PIP5K1B: variants seen among roughly 807,000 people sequenced by gnomAD.
PIP5K1B encodes phosphatidylinositol 4-phosphate 5-kinase type-1 beta.
In PIP5K1B, 42 loss-of-function variants were observed where a neutral mutation model predicts 67.0. The ratio of observed to expected loss-of-function variants is 0.63; its 90% CI spans 0.49 to 0.81. The LOEUF is 0.81. Ranked by LOEUF, PIP5K1B falls within the 30% of genes least tolerant of loss-of-function variation. The pLI is 0.00. For synonymous variants in PIP5K1B, 214 were observed against 231.4 expected, an observed-to-expected ratio of 0.92 and a Z score of 0.68; for missense variants, 459 against 646.3, an observed-to-expected ratio of 0.71 and a Z score of 3.14.
intron 2 of PIP5K1B, among the ~76,000 whole-genome samples, chr9:68,750,315 T>C (rs1250305058): frequency 6.6e-6 from 1 of 152,242 alleles, no homozygotes; most frequent in Non-Finnish European, 1.5e-5. Context: ...TATGCGTAGA[T>C]TGCCTGTCAG....
chr9:68,994,707 G>A lies in PIP5K1B; in HGVS notation c.1620+3450G>A, dbSNP rs553627561. On this transcript the variant is annotated intron_variant, in intron 15 of 15. Transcript: ENST00000265382. ...AGAGTTTTTCTCATATTTTAACTTA[G>A]TCTCTTCACCTGTTGCAAAACCAAG... 4.6e-5 allele frequency among the ~76,000 whole-genome samples: 7 copies of A among 152,234 alleles called. No homozygotes were observed. In the South Asian group the frequency reaches 1.5e-3, roughly 32 times the overall value.
intron 14 of PIP5K1B, among the ~76,000 whole-genome samples, chr9:68,949,816 G>A (rs747505448): frequency 6.6e-6 from 1 of 152,222 alleles, no homozygotes; most frequent in Non-Finnish European, 1.5e-5. Context: ...AAGGAAAGTG[G>A]CGTGCAGAAA....
At chr9:68,977,655 C>CTT (rs758854141) in intron 14 of PIP5K1B, among the ~76,000 whole-genome samples, 16 of 133,064 alleles carry the variant, frequency 1.2e-4, no homozygotes, top group South Asian at 2.4e-4. Context: ...TTATTGGCTT[C>CTT]TTTTTTTTTT....
intron 12 of PIP5K1B, among the ~76,000 whole-genome samples, chr9:68,929,298 C>T (rs149340238): frequency 4.8e-4 from 73 of 152,112 alleles, no homozygotes; most frequent in African/African-American, 1.7e-3. Flanking sequence ...ATACTGGGTC[C>T]GATCTTCTCC....
At chr9:68,788,835 T>C (rs1288115196) in intron 2 of PIP5K1B, 1 of 238,796 alleles carries the variant, frequency 4.2e-6, no homozygotes, top group Admixed American at 5.3e-5. Context: ...ACTGATATTA[T>C]ATTTGACATA....
chr9:68,749,677 A>C (rs1254492808), intron 2 of PIP5K1B, among the ~76,000 whole-genome samples: 2 of 152,188 alleles, frequency 1.3e-5, no homozygotes, highest in African/African-American at 4.8e-5. Context: ...AGAGGTTAAG[A>C]GTTTGAGAGC....
At chr9:68,924,141 G>A (rs1474324186) in intron 12 of PIP5K1B, among the ~76,000 whole-genome samples, 4 of 148,908 alleles carry the variant, frequency 2.7e-5, no homozygotes, top group South Asian at 2.1e-4. Flanking sequence ...GAGGCCGGGC[G>A]CGGTAATCCT....
intron 14 of PIP5K1B, among the ~76,000 whole-genome samples, chr9:68,974,425 A>C (rs1039646688): frequency 6.6e-6 from 1 of 152,214 alleles, no homozygotes; most frequent in Non-Finnish European, 1.5e-5. Flanking sequence ...TCAGATTCTA[A>C]CACGCCTAGC....
At chr9:68,884,280 G>A (rs1423660483) in intron 6 of PIP5K1B, among the ~76,000 whole-genome samples, 2 of 147,950 alleles carry the variant, frequency 1.4e-5, no homozygotes, top group East Asian at 4.0e-4. Flanking sequence ...AATAAATAAG[G>A]AACTCAAACT....
At chr9:68,975,483 T>C (rs1829593394) in intron 14 of PIP5K1B, among the ~76,000 whole-genome samples, 2 of 152,226 alleles carry the variant, frequency 1.3e-5, no homozygotes, top group Non-Finnish European at 2.9e-5. Context: ...TATTTATGAA[T>C]GCATGTCAGT....
At chr9:68,707,121 G>A (rs1043797465) in intron 1 of PIP5K1B, among the ~76,000 whole-genome samples, 6 of 152,076 alleles carry the variant, frequency 3.9e-5, no homozygotes, top group Non-Finnish European at 8.8e-5. Flanking sequence ...GGAGGGAAAC[G>A]GTGGTTCTGA....
At chr9:68,751,262 G>A (rs950523407) in intron 2 of PIP5K1B, among the ~76,000 whole-genome samples, 25 of 152,320 alleles carry the variant, frequency 1.6e-4, no homozygotes, top group Non-Finnish European at 3.4e-4. Flanking sequence ...GTTGGTAGTT[G>A]TAATTTTATG....
chr9:68,901,116 C>T (rs1168295151), intron 8 of PIP5K1B, among the ~76,000 whole-genome samples: 1 of 152,260 alleles, frequency 6.6e-6, no homozygotes, highest in African/African-American at 2.4e-5. Context: ...ACAAAGGAGA[C>T]GTACATATCC....
At chr9:68,860,630 T>G (rs1373558178) in intron 4 of PIP5K1B, among the ~76,000 whole-genome samples, 1 of 152,352 alleles carries the variant, frequency 6.6e-6, no homozygotes. Flanking sequence ...AACACTGATA[T>G]GGAGGCAGCC....
chr9:68,819,921 T>TA (rs748486396), intron 3 of PIP5K1B, among the ~76,000 whole-genome samples: 93 of 151,566 alleles, frequency 6.1e-4, no homozygotes, highest in Middle Eastern at 3.2e-3. Context: ...GGAAGTGTTT[T>TA]AAAAAAAAAT....
At chr9:68,994,037 A>ATTTTTTT (rs67700788) in intron 15 of PIP5K1B, among the ~76,000 whole-genome samples, 6 of 118,598 alleles carry the variant, frequency 5.1e-5, no homozygotes, top group Non-Finnish European at 1.0e-4. Flanking sequence ...TTTTTCCTGA[A>ATTTTTTT]TTTTTTTTTT....
chr9:68,848,232 G>A (rs937295576), intron 4 of PIP5K1B, among the ~76,000 whole-genome samples: 6 of 152,226 alleles, frequency 3.9e-5, no homozygotes. Flanking sequence ...CAAAAGAAGA[G>A]TGAGTGGAGT....
intron 4 of PIP5K1B, among the ~76,000 whole-genome samples, chr9:68,825,529 ATTCCCTTTACAAATACCTTAAATTTCT>A (rs1284293136): frequency 6.6e-6 from 1 of 152,248 alleles, no homozygotes; most frequent in Non-Finnish European, 1.5e-5. Context: ...CATACATCTT[ATTCCCTTTACAAATACCTTAAATTTCT>A]TTCCCAGTCC....
chr9:68,986,932 T>C (rs1444480768), intron 14 of PIP5K1B, among the ~76,000 whole-genome samples: 6 of 152,302 alleles, frequency 3.9e-5, no homozygotes, highest in East Asian at 1.9e-4. Flanking sequence ...TTTACACTTA[T>C]ATGCATGTAG....
Sources: allele counts gnomAD v4.1 joint callset (sites outside exome capture counted in the v4.1 genomes callset), GRCh38; gene constraint gnomAD v4.1.1; transcripts MANE v1.5; gene names NCBI Gene and HGNC (gene_info 2026-07-23, HGNC 2026-07-21).